The following SPTAN1 variants were observed in gnomAD, a reference collection of about 807,000 sequenced individuals.
SPTAN1 encodes spectrin alpha chain, non-erythrocytic 1.
Under a neutral mutation model 331.3 loss-of-function variants are expected in SPTAN1, and 61 were observed. The ratio of observed to expected loss-of-function variants is 0.18; its 90% CI spans 0.15 to 0.23. The LOEUF is 0.23. Among genes scored for constraint, SPTAN1 ranks in the 10% least tolerant of loss-of-function variants. The pLI, the probability that SPTAN1 is intolerant of heterozygous loss-of-function variation, is 1.00. For missense variants in SPTAN1, 2,043 were observed against 3,147.9 expected (o/e 0.65, Z 8.40); for synonymous variants, 1,153 against 1,173.9 (o/e 0.98, Z 0.36).
At position 128,588,887 on chromosome 9, in the gene SPTAN1, C is replaced by A; in HGVS notation, c.2950C>A (p.Arg984=). The stretch of plus-strand genomic sequence containing the variant: ...CTACGACTATCAGGAGAAGAGTCCC[C>A]GAGAGGTCACCATGAAGAAGGGAGA... The part of the protein sequence containing the change: ...ALYDYQEKSP[R]EVTMKKGDIL... Residue 984 remains arginine, a synonymous_variant, in exon 21 of 57, where the codon CGA becomes AGA. Coordinates refer to ENST00000372739, the MANE Select transcript of SPTAN1 (RefSeq NM_001130438.3). The A allele has an allele frequency of 6.2e-7, 1 of 1,614,018 alleles. No homozygotes were observed. Among genetic ancestry groups the A allele is most frequent in the Non-Finnish European group, 8.5e-7 (1 of 1,179,996 alleles).
intron 3 of SPTAN1, among the ~76,000 whole-genome samples, chr9:128,570,813 C>T (rs1383167068): frequency 3.3e-5 from 5 of 152,058 alleles, no homozygotes; most frequent in Admixed American, 6.6e-5. Context: ...TGCGCTGTGC[C>T]ACCACAGCCA....
chr9:128,618,747 T>C, intron 43 of SPTAN1, 124 bp from the exon 44 acceptor site: 1 of 1,433,642 alleles, frequency 7.0e-7, no homozygotes, highest in Non-Finnish European at 9.8e-7. Flanking sequence ...CCTCCCAAAG[T>C]GCTGGGATTG....
At position 128,633,586 on chromosome 9, in the gene SPTAN1, C is replaced by T; in HGVS notation, c.*252C>T. 9.1e-7 allele frequency: 1 copy of T among 1,100,390 alleles called. No homozygotes were observed. Among genetic ancestry groups the T allele is most frequent in the Non-Finnish European group, 1.3e-6 (1 of 760,050 alleles). 68.2% of individuals were successfully genotyped at this position (1,100,390 alleles called of 1,614,324 possible). A position where few individuals can be genotyped will look rare whatever the true frequency, so the allele number is the denominator to read the frequency against. On this transcript the variant is annotated 3_prime_UTR_variant, in exon 57 of 57. Coordinates refer to ENST00000372739, the MANE Select transcript of SPTAN1 (RefSeq NM_001130438.3). The stretch of plus-strand genomic sequence containing the variant: ...TTCAGAAAATCGAAGCAGCTGGCTC[C>T]TCCCCTTGTTCTCTCTCCCACCCTC...
chr9:128,584,133 C>T (rs1259903097), intron 16 of SPTAN1, 149 bp from the exon 17 acceptor site: 2 of 1,440,216 alleles, frequency 1.4e-6, no homozygotes, highest in African/African-American at 1.4e-5. Context: ...TAAATATCAT[C>T]CCTTAGAGCT....
At chr9:128,586,260 A>G (rs1852623167) in intron 19 of SPTAN1, among the ~76,000 whole-genome samples, 1 of 151,734 alleles carries the variant, frequency 6.6e-6, no homozygotes, top group African/African-American at 2.4e-5. Flanking sequence ...TTGGAACTAT[A>G]GGCAGGTACC....
intron 37 of SPTAN1, 178 bp from the exon 38 acceptor site, chr9:128,611,536 C>A: frequency 1.4e-6 from 1 of 717,822 alleles, no homozygotes; most frequent in Non-Finnish European, 2.4e-6. Context: ...TGCTAACTCC[C>A]CAAGAGATGA....
At chr9:128,582,235 C>T (rs928305880) in intron 12 of SPTAN1, among the ~76,000 whole-genome samples, 12 of 152,136 alleles carry the variant, frequency 7.9e-5, no homozygotes, top group African/African-American at 2.9e-4. Context: ...GCCAGGAGAT[C>T]GTGCCACAAC....
intron 1 of SPTAN1, chr9:128,555,256 T>C (rs2132636194): frequency 1.1e-6 from 1 of 896,188 alleles, no homozygotes; most frequent in South Asian, 1.4e-5. Context: ...TTTTAATCTG[T>C]ATTCATATTT....
intron 1 of SPTAN1, among the ~76,000 whole-genome samples, chr9:128,566,405 G>T (rs374295471): frequency 1.3e-4 from 20 of 152,158 alleles, no homozygotes; most frequent in African/African-American, 4.8e-4. Context: ...GAATACCACA[G>T]TTGCTGTTTC....
intron 1 of SPTAN1, among the ~76,000 whole-genome samples, chr9:128,556,100 A>C (rs1374006373): frequency 3.9e-5 from 6 of 152,094 alleles, no homozygotes. Context: ...GGGCCCCTGT[A>C]ATCCCAGCTA....
At chr9:128,576,494 A>C (rs2130998925) in intron 5 of SPTAN1, among the ~76,000 whole-genome samples, 1 of 152,334 alleles carries the variant, frequency 6.6e-6, no homozygotes, top group South Asian at 2.1e-4. Flanking sequence ...ATTTTCAAGC[A>C]GTTAGGGTAG....
At chr9:128,605,256 C>A (rs1276572685) in intron 30 of SPTAN1, 40 bp from the exon 31 acceptor site, 7 of 1,614,044 alleles carry the variant, frequency 4.3e-6, no homozygotes, top group Non-Finnish European at 5.1e-6. Flanking sequence ...GCAGAGCATA[C>A]CCCCTTACTG....
rs768154577 is a variant in SPTAN1 at position 128,608,825 on chromosome 9, G to A, written c.4492-49G>A. 3.2e-6 allele frequency: 5 copies of A among 1,581,026 alleles called. No individual in the cohort carries two copies. The Admixed American group carries it at 6.7e-5, about 21-fold the overall frequency. ...TTTCTCAAGACTGGCAGTCCAGGCA[G>A]GGCCCAGCCACAGGCCCACCTTGAT... On this transcript the variant is annotated intron_variant, in intron 34 of 56. Transcript: ENST00000372739.
At chr9:128,613,348 A>G (rs1856780504) in intron 39 of SPTAN1, 33 bp from the exon 40 acceptor site, 3 of 1,585,566 alleles carry the variant, frequency 1.9e-6, no homozygotes, top group Non-Finnish European at 2.6e-6. Flanking sequence ...TACACCACAC[A>G]GTAGCCTTTG....
chr9:128,578,809 AC>A (rs1341850700), intron 9 of SPTAN1, among the ~76,000 whole-genome samples: 2 of 148,326 alleles, frequency 1.3e-5, no homozygotes, highest in African/African-American at 5.0e-5. Flanking sequence ...CGTCCGGACA[AC>A]AAGAGTGTTT....
In SPTAN1 at chr9:128,615,810, G is replaced by A. The variant is rs754299854; in HGVS notation, c.5327G>A (p.Arg1776Gln). ...TCCCATCGCCTGCACCAGTTCTTCC[G>A]GGACATGGATGACGAGGAGTCCTGG... ...NESHRLHQFFRDMDDEESWIK... is the reference protein window; with the variant it reads ...NESHRLHQFFQDMDDEESWIK... The change falls in exon 41 of 57, where the codon CGG becomes CAG. Residue 1776 changes from arginine (R) to glutamine (Q), a missense_variant. Around this residue, in one of 12 missense-constraint regions of SPTAN1, gnomAD observed 323 missense variants for 581.1 expected, o/e 0.56. Coordinates refer to ENST00000372739, the MANE Select transcript of SPTAN1 (RefSeq NM_001130438.3). 3 of 1,614,192 alleles carry A rather than the reference G, an allele frequency of 1.9e-6. No homozygotes were observed. Among genetic ancestry groups the A allele is most frequent in the Non-Finnish European group, 1.7e-6 (2 of 1,180,042 alleles).
At position 128,632,326 on chromosome 9, in the gene SPTAN1, A is replaced by G. The variant is rs1464590655; in HGVS notation, c.6959+3A>G. On this transcript the variant is annotated splice_donor_region_variant and intron_variant, in intron 53 of 56. Transcript: ENST00000372739. ...CTGGAGCAGCAGATCCAGGCCAGGTACCCGGGAGGGCTGTGGGCCAGGCTC... is the reference window on the plus strand; with the variant it reads ...CTGGAGCAGCAGATCCAGGCCAGGTGCCCGGGAGGGCTGTGGGCCAGGCTC... 1.2e-6 allele frequency: 2 copies of G among 1,613,226 alleles called. No homozygotes were observed. The highest frequency in any genetic ancestry group is 1.3e-5 in the African/African-American group (1 of 75,032).
intron 10 of SPTAN1, among the ~76,000 whole-genome samples, chr9:128,580,552 G>GAGCACCC (rs1851820831): frequency 6.6e-6 from 1 of 151,824 alleles, no homozygotes; most frequent in Admixed American, 6.6e-5. Flanking sequence ...ATATGTTATG[G>GAGCACCC]AGCACCCACT....
rs149899658 is a variant in SPTAN1, at chr9:128,608,925, G to A, written c.4543G>A (p.Gly1515Ser). 62 of 1,614,184 alleles carry A rather than the reference G, an allele frequency of 3.8e-5. No homozygotes were observed. In the African/African-American group the frequency reaches 4.0e-4, roughly 10 times the overall value. Reference protein sequence around the residue: ...QAFADQLIAAGHYAKGDISSR... With the variant: ...QAFADQLIAASHYAKGDISSR... ...CTTTGCCGACCAGCTCATCGCTGCC[G>A]GCCATTATGCCAAGGGAGACATTTC... Residue 1515 changes from glycine (G) to serine (S), a missense_variant, in exon 35 of 57, where the codon GGC becomes AGC. Around this residue, in one of 12 missense-constraint regions of SPTAN1, gnomAD observed 40 missense variants for 32.6 expected, o/e 1.23. Coordinates refer to ENST00000372739, the MANE Select transcript of SPTAN1 (RefSeq NM_001130438.3).
Sources: allele counts gnomAD v4.1 joint callset (sites outside exome capture counted in the v4.1 genomes callset), GRCh38; gene constraint gnomAD v4.1.1; regional missense constraint gnomAD v4.1.1; transcripts MANE v1.5; gene names NCBI Gene and HGNC (gene_info 2026-07-23, HGNC 2026-07-21).